The following PTPRN2 variants were observed in gnomAD, a reference collection of about 807,000 sequenced individuals.
PTPRN2 encodes the protein protein tyrosine phosphatase receptor type N2.
PTPRN2 carries 74 observed loss-of-function variants against 118.8 expected under a neutral mutation model. The observed-to-expected ratio is 0.62, with a 90% CI of 0.52 to 0.76. The LOEUF is 0.76. Among genes scored for constraint, PTPRN2 ranks in the 30% least tolerant of loss-of-function variants. The pLI, the probability that PTPRN2 is intolerant of heterozygous loss-of-function variation, is 0.00. For missense variants in PTPRN2, 1,481 were observed against 1,394.4 expected, an observed-to-expected ratio of 1.06 and a Z score of -0.99; for synonymous variants, 641 against 608.0, an observed-to-expected ratio of 1.05 and a Z score of -0.80.
In PTPRN2 at chr7:158,587,677, G is replaced by A. The variant is rs1250343600; in HGVS notation, c.-8C>T. 5.3e-6 allele frequency: 7 copies of A among 1,319,138 alleles called. No individual in the cohort carries two copies. Among genetic ancestry groups the A allele is most frequent in the South Asian group, 1.9e-5 (1 of 53,094 alleles). 81.7% of individuals were successfully genotyped at this position (1,319,138 alleles called of 1,614,324 possible). ...CGGGAGCGGCGGCCCCATCCCCGCG[G>A]CCTGGCCGGCGGCGCTCAGTCCATG... On this transcript the variant is annotated 5_prime_UTR_variant, in exon 1 of 23. Coordinates refer to ENST00000389418, the MANE Select transcript of PTPRN2 (RefSeq NM_002847.5).
intron 12 of PTPRN2, among the ~76,000 whole-genome samples, chr7:157,775,409 A>G (rs1803141239): frequency 6.6e-6 from 1 of 152,234 alleles, no homozygotes; most frequent in Admixed American, 6.5e-5. Flanking sequence ...GTGAAGGTGC[A>G]ACCAGCATGG....
chr7:158,079,765 C>T (rs1345796658), intron 11 of PTPRN2, among the ~76,000 whole-genome samples: 1 of 152,192 alleles, frequency 6.6e-6, no homozygotes, highest in Non-Finnish European at 1.5e-5. Context: ...GCACTGAAGC[C>T]GTTGTTGGGA....
intron 2 of PTPRN2, among the ~76,000 whole-genome samples, chr7:158,384,838 G>A (rs1233850477): frequency 2.0e-5 from 3 of 152,156 alleles, no homozygotes; most frequent in African/African-American, 4.8e-5. Flanking sequence ...ACATTTTCAC[G>A]AGTCAGAGGG....
intron 12 of PTPRN2, among the ~76,000 whole-genome samples, chr7:157,802,722 T>C (rs1040369257): frequency 4.9e-4 from 74 of 152,332 alleles, no homozygotes; most frequent in African/African-American, 1.6e-3. Flanking sequence ...AGTCTACACA[T>C]CCTCACCAAC....
At chr7:157,972,101 A>G (rs4716853) in intron 11 of PTPRN2, among the ~76,000 whole-genome samples, 67,191 of 152,082 alleles carry the variant, frequency 0.44, 15,128 homozygotes, top group East Asian at 0.54. Flanking sequence ...TTTCTCCCCA[A>G]TGATTGGCAT....
At chr7:157,578,715 AAC>A (rs1287743772) in intron 17 of PTPRN2, among the ~76,000 whole-genome samples, 7 of 152,254 alleles carry the variant, frequency 4.6e-5, no homozygotes, top group Admixed American at 3.3e-4. Flanking sequence ...GCCACATTGA[AAC>A]ACAATAAACA....
At chr7:157,910,234 G>A (rs1431479537) in intron 11 of PTPRN2, among the ~76,000 whole-genome samples, 5 of 146,734 alleles carry the variant, frequency 3.4e-5, no homozygotes, top group Non-Finnish European at 7.5e-5. Context: ...GGGAACGGGC[G>A]CAGGATCACG....
intron 4 of PTPRN2, among the ~76,000 whole-genome samples, chr7:158,202,053 A>G (rs77954122): frequency 0.011 from 1,647 of 152,332 alleles, 32 homozygotes; most frequent in African/African-American, 0.036. Flanking sequence ...CTGCATTTAC[A>G]AATGTGGAAA....
At chr7:157,971,173 A>G (rs1365129518) in intron 11 of PTPRN2, among the ~76,000 whole-genome samples, 1 of 152,182 alleles carries the variant, frequency 6.6e-6, no homozygotes. Context: ...TGAGTATCCA[A>G]CTCAGAGCTT....
At chr7:157,626,337 A>G (rs1026147012) in intron 14 of PTPRN2, among the ~76,000 whole-genome samples, 3 of 152,132 alleles carry the variant, frequency 2.0e-5, no homozygotes, top group Non-Finnish European at 1.5e-5. Flanking sequence ...ATTTCCTTTT[A>G]CTAATCTGAT....
At chr7:158,007,881 CGT>C (rs774108789) in intron 11 of PTPRN2, among the ~76,000 whole-genome samples, 7 of 86,664 alleles carry the variant, frequency 8.1e-5, no homozygotes, top group East Asian at 3.3e-4. Flanking sequence ...TGCATGTGCA[CGT>C]GTGTGTATGT....
At chr7:158,028,029 G>C (rs1433820040) in intron 11 of PTPRN2, 1 of 152,208 alleles carries the variant, frequency 6.6e-6, no homozygotes, top group African/African-American at 2.4e-5. Flanking sequence ...GACATGAAAA[G>C]TACACCAAGA....
intron 2 of PTPRN2, among the ~76,000 whole-genome samples, chr7:158,405,351 G>A (rs974737072): frequency 6.6e-6 from 1 of 152,220 alleles, no homozygotes; most frequent in African/African-American, 2.4e-5. Context: ...AAGCTTCGAT[G>A]TTAGCTCCAA....
chr7:157,793,723 C>T lies in PTPRN2; in HGVS notation c.1788+104950G>A, dbSNP rs78349717. Among the ~76,000 whole-genome samples, 31 of 152,296 alleles carry T rather than the reference C, an allele frequency of 2.0e-4. No homozygotes were observed. In the East Asian group the frequency reaches 5.4e-3, roughly 27 times the overall value. On this transcript the variant is annotated intron_variant, in intron 12 of 22. Transcript: ENST00000389418. ...CTCTAGGAGACACCGTCCCCCAGGG[C>T]CACGTATAGATCCACTGGAGGCCTG...
intron 2 of PTPRN2, among the ~76,000 whole-genome samples, chr7:158,344,368 C>G (rs1211630611): frequency 6.6e-6 from 1 of 152,108 alleles, no homozygotes; most frequent in African/African-American, 2.4e-5. Flanking sequence ...GAGCATTGGC[C>G]CCAGTCGCAG....
At chr7:158,441,568 ATGGTGATGGCAG>A (rs1385357729) in intron 2 of PTPRN2, among the ~76,000 whole-genome samples, 63 of 136,804 alleles carry the variant, frequency 4.6e-4, no homozygotes, top group African/African-American at 1.7e-3. Flanking sequence ...AGTGATAGTG[ATGGTGATGGCAG>A]TGGTGGTGGT....
At chr7:158,081,824 A>T (rs577455160) in intron 10 of PTPRN2, among the ~76,000 whole-genome samples, 3 of 152,252 alleles carry the variant, frequency 2.0e-5, no homozygotes, top group African/African-American at 4.8e-5. Flanking sequence ...AGTCATTAAG[A>T]ACTACTCTGT....
At chr7:157,708,985 C>T (rs186299297) in intron 12 of PTPRN2, among the ~76,000 whole-genome samples, 89 of 152,316 alleles carry the variant, frequency 5.8e-4, no homozygotes, top group East Asian at 2.9e-3. Context: ...ACCTGGGAAC[C>T]GACACTCCTG....
chr7:157,951,178 C>G (rs967169974), intron 11 of PTPRN2, among the ~76,000 whole-genome samples: 2 of 152,128 alleles, frequency 1.3e-5, no homozygotes, highest in Non-Finnish European at 2.9e-5. Context: ...AAGGATGAAA[C>G]GCATATGAAT....
Sources: allele counts gnomAD v4.1 joint callset (sites outside exome capture counted in the v4.1 genomes callset), GRCh38; gene constraint gnomAD v4.1.1; transcripts MANE v1.5; gene names NCBI Gene and HGNC (gene_info 2026-07-23, HGNC 2026-07-21).